Variants in NRG1 observed in about 807,000 individuals in gnomAD.
NRG1 encodes neuregulin 1.
A neutral mutation model predicts 63.8 loss-of-function variants in NRG1; 18 were observed. That is an observed-to-expected ratio of 0.28 (90% CI 0.19 to 0.42). The LOEUF (loss-of-function observed/expected upper bound fraction) is 0.42. NRG1 is among the 10% of genes least tolerant of loss of function. The probability of loss-of-function intolerance (pLI) is 1.00; values close to 1 mark genes in which losing one functional copy is unlikely to be tolerated. For missense variants in NRG1, 762 were observed against 814.7 expected (o/e 0.94, Z 0.79); for synonymous variants, 302 against 301.3 (o/e 1.00, Z -0.02).
At chr8:31,871,364 G>T (rs1406191754) in intron 1 of NRG1, among the ~76,000 whole-genome samples, 1 of 152,120 alleles carries the variant, frequency 6.6e-6, no homozygotes, top group Non-Finnish European at 1.5e-5. Flanking sequence ...TTGCTTGCTT[G>T]TTGCGTTGCC....
chr8:32,705,743 G>C (rs1471589674), intron 5 of NRG1, among the ~76,000 whole-genome samples: 1 of 152,178 alleles, frequency 6.6e-6, no homozygotes, highest in Non-Finnish European at 1.5e-5. Context: ...AGCATCATTG[G>C]TGTATATCAA....
intron 1 of NRG1, among the ~76,000 whole-genome samples, chr8:31,953,031 A>C (rs1020231396): frequency 2.6e-5 from 4 of 152,204 alleles, no homozygotes; most frequent in Non-Finnish European, 5.9e-5. Context: ...CTTTCTTCTT[A>C]ATCAGGCAAT....
chr8:31,740,880 A>G (rs2131398799), intron 1 of NRG1, among the ~76,000 whole-genome samples: 1 of 152,170 alleles, frequency 6.6e-6, no homozygotes, highest in Middle Eastern at 3.4e-3. Context: ...ATATATTCAA[A>G]AGAAAACAAA....
At chr8:32,226,759 A>C (rs372371140) in intron 1 of NRG1, among the ~76,000 whole-genome samples, 1 of 152,158 alleles carries the variant, frequency 6.6e-6, no homozygotes, top group East Asian at 1.9e-4. Context: ...ATAATTTTGC[A>C]TGCAATTTTT....
intron 1 of NRG1, among the ~76,000 whole-genome samples, chr8:32,489,230 T>G (rs1826255689): frequency 6.6e-6 from 1 of 152,154 alleles, no homozygotes; most frequent in Non-Finnish European, 1.5e-5. Flanking sequence ...TTACTGGCGT[T>G]GTACACATGC....
At chr8:31,716,453 T>C (rs1310027709) in intron 1 of NRG1, among the ~76,000 whole-genome samples, 1 of 152,234 alleles carries the variant, frequency 6.6e-6, no homozygotes, top group Admixed American at 6.5e-5. Flanking sequence ...TAACAATATG[T>C]GCTTAATAGC....
chr8:32,771,719 T>A (rs372724346), downstream of NRG1, among the ~76,000 whole-genome samples: 974 of 40,588 alleles, frequency 0.024, 12 homozygotes, highest in South Asian at 0.097. Context: ...AAAAAAAATA[T>A]ATATATATAT....
At chr8:31,950,639 G>T (rs1803324892) in intron 1 of NRG1, among the ~76,000 whole-genome samples, 1 of 152,202 alleles carries the variant, frequency 6.6e-6, no homozygotes, top group African/African-American at 2.4e-5. Flanking sequence ...TGAGGTTTAA[G>T]GCTTTGTTTT....
At chr8:32,767,984 A>G (rs1831556099), downstream of NRG1, 1 of 152,356 alleles carries the variant, frequency 6.6e-6, no homozygotes, top group Middle Eastern at 3.4e-3. Context: ...TCAGCAGACT[A>G]CAGCTTCAGT....
At chr8:32,220,046 G>A (rs367928521) in intron 1 of NRG1, among the ~76,000 whole-genome samples, 93 of 152,226 alleles carry the variant, frequency 6.1e-4, no homozygotes, top group Non-Finnish European at 1.1e-3. Context: ...AAAAGAGAAG[G>A]GAATTCCTCG....
rs1395782459 is a variant in NRG1 at position 32,444,018 on chromosome 8, TTC to T, written c.38-151808_38-151807del. 2.1e-5 allele frequency among the ~76,000 whole-genome samples: 3 copies of T among 142,346 alleles called. No homozygotes were observed. In the East Asian group the frequency reaches 6.0e-4, roughly 29 times the overall value. The allele number at this position is 142,346 out of a possible 152,430, so 93.4% of individuals were successfully genotyped here. A position where few individuals can be genotyped will look rare whatever the true frequency, so the allele number is the denominator to read the frequency against. On this transcript the variant is annotated intron_variant, in intron 1 of 10. Transcript: ENST00000519301. ...CCTTTTTCCTTCCTTCCTTTTTCCT[TTC>T]TTTCTTTTCCTTCCTTCCTTCCTTT...
Position 31,984,751 on chromosome 8 carries a change from G to A in NRG1, c.37+345320G>A, listed in dbSNP as rs372117264. ...TTGCCAAGTCTGTTCTCAGCAATTC[G>A]TTCACTGGTCTTTCATCATTAGGCA... is the stretch of plus-strand genomic sequence containing the variant. On this transcript the variant is annotated intron_variant, in intron 1 of 10. Transcript: ENST00000519301. Among the ~76,000 whole-genome samples, 35 of 152,184 alleles carry A rather than the reference G, an allele frequency of 2.3e-4. No individual in the cohort carries two copies. In the South Asian group the frequency reaches 6.8e-3, roughly 30 times the overall value.
At chr8:32,136,849 A>G (rs1030916599) in intron 1 of NRG1, 4 of 152,166 alleles carry the variant, frequency 2.6e-5, no homozygotes, top group African/African-American at 9.7e-5. Context: ...TTATGCTTAG[A>G]TGTCATAATT....
chr8:32,347,684 C>T (rs1356378696), intron 1 of NRG1, among the ~76,000 whole-genome samples: 4 of 152,044 alleles, frequency 2.6e-5, no homozygotes, highest in African/African-American at 4.8e-5. Context: ...GTTGTGTAGC[C>T]GTGTGTCTCC....
At chr8:32,107,172 G>A (rs148560745) in intron 1 of NRG1, among the ~76,000 whole-genome samples, 22 of 152,158 alleles carry the variant, frequency 1.4e-4, no homozygotes, top group African/African-American at 4.8e-4. Flanking sequence ...GGAGGCGGAG[G>A]TCGCAGTGAG....
At chr8:32,050,203 A>G (rs866106518) in intron 1 of NRG1, among the ~76,000 whole-genome samples, 2 of 152,108 alleles carry the variant, frequency 1.3e-5, no homozygotes, top group African/African-American at 2.4e-5. Flanking sequence ...TTTAAAAGAC[A>G]TTGCGTCAGT....
At chr8:31,660,953 T>A (rs2130936347) in intron 1 of NRG1, among the ~76,000 whole-genome samples, 1 of 152,342 alleles carries the variant, frequency 6.6e-6, no homozygotes, top group African/African-American at 2.4e-5. Context: ...CCATTAAAGC[T>A]ATTGCAGTAC....
At chr8:32,430,227 C>T (rs547895885) in intron 1 of NRG1, among the ~76,000 whole-genome samples, 56 of 152,256 alleles carry the variant, frequency 3.7e-4, no homozygotes, top group African/African-American at 1.2e-3. Flanking sequence ...CAAGGGATGT[C>T]CTACCCTTCA....
chr8:31,740,719 T>A (rs930860709), intron 1 of NRG1, among the ~76,000 whole-genome samples: 1 of 151,744 alleles, frequency 6.6e-6, no homozygotes, highest in African/African-American at 2.4e-5. Flanking sequence ...CCACAAAGTC[T>A]CTGATGTTAA....
Sources: allele counts gnomAD v4.1 joint callset (sites outside exome capture counted in the v4.1 genomes callset), GRCh38; gene constraint gnomAD v4.1.1; transcripts MANE v1.5; gene names NCBI Gene and HGNC (gene_info 2026-07-23, HGNC 2026-07-21).